The following FHIT variants were observed in gnomAD, a reference collection of about 807,000 sequenced individuals.
FHIT encodes bis(5'-adenosyl)-triphosphatase.
In FHIT, 19 loss-of-function variants were observed where a neutral mutation model predicts 17.9. The observed-to-expected ratio is 1.06, with a 90% CI of 0.74 to 1.56. The LOEUF (loss-of-function observed/expected upper bound fraction) is 1.56, where lower values mean the gene tolerates loss of function less well. Ranked by LOEUF, FHIT falls within the 40% of genes most tolerant of loss-of-function variation. The pLI is 0.00. For missense variants in FHIT, 248 were observed against 189.2 expected (o/e 1.31, Z -1.82); for synonymous variants, 81 against 69.7 (o/e 1.16, Z -0.81).
intron 8 of FHIT, among the ~76,000 whole-genome samples, chr3:59,891,053 G>A (rs192014147): frequency 1.3e-5 from 2 of 152,234 alleles, no homozygotes; most frequent in Non-Finnish European, 2.9e-5. Context: ...CGTAAGGTCA[G>A]AATAAGGGTT....
intron 4 of FHIT, among the ~76,000 whole-genome samples, chr3:60,637,525 A>C (rs1315389441): frequency 1.3e-5 from 2 of 152,168 alleles, no homozygotes; most frequent in African/African-American, 4.8e-5. Flanking sequence ...TGAAAAAATG[A>C]ACTGCTACCA....
Position 60,712,529 on chromosome 3 carries a change from C to A in FHIT, c.-18+109390G>T, listed in dbSNP as rs1436570523. On this transcript the variant is annotated intron_variant, in intron 4 of 9. Transcript: ENST00000492590. Reference sequence around the variant, plus strand: ...CCATCAGTGTGCTGTATTCAGGAAACCCATCTCACATACAGAGACACACAT... The same window carrying A: ...CCATCAGTGTGCTGTATTCAGGAAAACCATCTCACATACAGAGACACACAT... Among the ~76,000 whole-genome samples, 10 of 151,756 alleles carry A rather than the reference C, an allele frequency of 6.6e-5. No individual in the cohort carries two copies. The East Asian group carries it at 1.8e-3, about 27-fold the overall frequency.
chr3:60,135,961 G>C lies in FHIT; in HGVS notation c.104-121809C>G, dbSNP rs571704647. Among the ~76,000 whole-genome samples, 12 of 152,174 alleles carry C rather than the reference G, an allele frequency of 7.9e-5. No individual in the cohort carries two copies. The South Asian group carries it at 2.5e-3, about 32-fold the overall frequency. On this transcript the variant is annotated intron_variant, in intron 5 of 9. Coordinates refer to ENST00000492590, the MANE Select transcript of FHIT (RefSeq NM_002012.4). ...ACAATGCTCTCATTTTATCCTGTAT[G>C]TGTTTTTATAAAACGTCTCACCATC...
At chr3:59,897,681 A>AT (rs1282126035) in intron 8 of FHIT, among the ~76,000 whole-genome samples, 1 of 152,200 alleles carries the variant, frequency 6.6e-6, no homozygotes, top group Non-Finnish European at 1.5e-5. Flanking sequence ...CTCCATTTAT[A>AT]TAAGAAGCTG....
chr3:59,914,695 C>T (rs1170776569), intron 8 of FHIT, among the ~76,000 whole-genome samples: 1 of 152,094 alleles, frequency 6.6e-6, no homozygotes, highest in Non-Finnish European at 1.5e-5. Context: ...TGTTTGGGGG[C>T]TTTTCACTTT....
At chr3:61,203,075 G>A (rs2039081321) in intron 1 of FHIT, among the ~76,000 whole-genome samples, 1 of 151,912 alleles carries the variant, frequency 6.6e-6, no homozygotes, top group African/African-American at 2.4e-5. Context: ...AGCTACTTGG[G>A]AGGCTGAGGC....
chr3:60,463,689 T>C (rs1003025648), intron 5 of FHIT, among the ~76,000 whole-genome samples: 1 of 152,158 alleles, frequency 6.6e-6, no homozygotes, highest in Non-Finnish European at 1.5e-5. Context: ...CCCAGAGAAG[T>C]TGCCCAGAAA....
intron 5 of FHIT, among the ~76,000 whole-genome samples, chr3:60,311,372 T>A (rs1708939519): frequency 1.3e-5 from 2 of 152,078 alleles, no homozygotes; most frequent in Admixed American, 6.6e-5. Context: ...ACCATATTGG[T>A]TATGCTTCTC....
intron 8 of FHIT, among the ~76,000 whole-genome samples, chr3:59,789,021 C>T (rs999254986): frequency 6.6e-5 from 10 of 152,026 alleles, no homozygotes; most frequent in South Asian, 2.1e-4. Context: ...ATAGTGATAT[C>T]GCACTGCGTG....
chr3:61,129,695 A>G (rs2036711031), intron 2 of FHIT, among the ~76,000 whole-genome samples: 2 of 152,202 alleles, frequency 1.3e-5, no homozygotes, highest in African/African-American at 4.8e-5. Context: ...AACATTGACT[A>G]TTTCAGCTAC....
intron 5 of FHIT, among the ~76,000 whole-genome samples, chr3:60,272,804 T>C (rs1412511069): frequency 6.6e-6 from 1 of 152,190 alleles, no homozygotes. Flanking sequence ...CCTTCCACCT[T>C]TCCGTGTGCA....
chr3:60,037,931 C>G (rs998692559), intron 5 of FHIT, among the ~76,000 whole-genome samples: 1 of 152,132 alleles, frequency 6.6e-6, no homozygotes, highest in South Asian at 2.1e-4. Flanking sequence ...CCAGGCTGGT[C>G]TTGAACTCCT....
chr3:61,147,643 C>T (rs2037263678), intron 2 of FHIT, among the ~76,000 whole-genome samples: 1 of 144,608 alleles, frequency 6.9e-6, no homozygotes, highest in African/African-American at 2.5e-5. Context: ...TTATAGAAGA[C>T]TTATAAATGT....
At chr3:60,043,845 C>A (rs765891373) in intron 5 of FHIT, among the ~76,000 whole-genome samples, 2 of 152,108 alleles carry the variant, frequency 1.3e-5, no homozygotes, top group Non-Finnish European at 2.9e-5. Flanking sequence ...TGCTGAAGAG[C>A]CTAATGTTTC....
At chr3:61,162,410 A>C (rs2037723252) in intron 2 of FHIT, among the ~76,000 whole-genome samples, 1 of 152,194 alleles carries the variant, frequency 6.6e-6, no homozygotes, top group African/African-American at 2.4e-5. Flanking sequence ...TTTAAAGGGA[A>C]GTACCAAGGT....
chr3:61,210,036 G>T (rs1176771432), intron 1 of FHIT, among the ~76,000 whole-genome samples: 1 of 152,226 alleles, frequency 6.6e-6, no homozygotes, highest in Non-Finnish European at 1.5e-5. Context: ...TAACAGTCAG[G>T]ATGCTCAGCT....
At chr3:60,247,807 C>T (rs1423405763) in intron 5 of FHIT, among the ~76,000 whole-genome samples, 1 of 152,122 alleles carries the variant, frequency 6.6e-6, no homozygotes, top group African/African-American at 2.4e-5. Context: ...ATCTACTTCA[C>T]TGAGTTGTGA....
chr3:60,532,771 G>C (rs241699), intron 5 of FHIT, among the ~76,000 whole-genome samples: 1 of 152,146 alleles, frequency 6.6e-6, no homozygotes, highest in Non-Finnish European at 1.5e-5. Context: ...CTTCAAAAGC[G>C]TATCTTTGGC....
At chr3:59,868,837 AAGG>A (rs2106889331) in intron 8 of FHIT, among the ~76,000 whole-genome samples, 1 of 152,272 alleles carries the variant, frequency 6.6e-6, no homozygotes, top group Non-Finnish European at 1.5e-5. Flanking sequence ...GAAGAAGGAG[AAGG>A]AGAAGAAGAA....
Sources: allele counts gnomAD v4.1 joint callset (sites outside exome capture counted in the v4.1 genomes callset), GRCh38; gene constraint gnomAD v4.1.1; transcripts MANE v1.5; gene names NCBI Gene and HGNC (gene_info 2026-07-23, HGNC 2026-07-21).